Variants in LITAF observed in about 807,000 individuals in gnomAD.
LITAF encodes lipopolysaccharide induced TNF factor.
LITAF carries 9 observed loss-of-function variants against 14.5 expected under a neutral mutation model. That is an observed-to-expected ratio of 0.62 (90% confidence interval 0.37 to 1.08). The LOEUF is 1.08. Among genes scored for constraint, LITAF ranks in the 50% least tolerant of loss-of-function variants. The probability of loss-of-function intolerance (pLI) is 0.01; values close to 1 mark genes in which losing one functional copy is unlikely to be tolerated. For synonymous variants in LITAF, 98 were observed against 88.2 expected (o/e 1.11, Z -0.62); for missense variants, 206 against 213.4 (o/e 0.97, Z 0.22).
In LITAF at chr16:11,556,506, C is replaced by G. The variant is rs745828676; in HGVS notation, c.220+5G>C. The G allele has an allele frequency of 6.2e-7, 1 of 1,610,852 alleles. No individual in the cohort carries two copies. Among genetic ancestry groups the G allele is most frequent in the Non-Finnish European group, 8.5e-7 (1 of 1,177,528 alleles). On this transcript the variant is annotated splice_donor_5th_base_variant and intron_variant, in intron 2 of 3. Transcript: ENST00000622633. ...GGTAAGGGGGGCCTGGGAGGCCACA[C>G]GTACTTGGATTGTTATTGGGGATGG...
rs146365935 is a variant in LITAF at position 11,567,892 on chromosome 16, G to A, written c.-5-11157C>T. On this transcript the variant is annotated intron_variant, in intron 1 of 3. Transcript: ENST00000622633. Reference sequence around the variant, plus strand: ...CCAGCTATGTGGGTGACTGAGGCAGGAGAAGTGCTTCAACCCAGGAGGCGG... The same window carrying A: ...CCAGCTATGTGGGTGACTGAGGCAGAAGAAGTGCTTCAACCCAGGAGGCGG... Among the ~76,000 whole-genome samples the A allele has an allele frequency of 2.3e-3, 357 of 152,308 alleles. 3 individuals carry two copies. Among genetic ancestry groups the A allele is most frequent in the African/African-American group, 8.2e-3 (342 of 41,548 alleles).
At chr16:11,555,233 C>T (rs1465105612) in intron 2 of LITAF, among the ~76,000 whole-genome samples, 2 of 152,158 alleles carry the variant, frequency 1.3e-5, no homozygotes, top group African/African-American at 4.8e-5. Context: ...CTCACTATGT[C>T]ACTCAGGCTG....
At chr16:11,627,401 C>A (rs1442537819) in intron 3 of LITAF, among the ~76,000 whole-genome samples, 2 of 152,258 alleles carry the variant, frequency 1.3e-5, no homozygotes, top group African/African-American at 2.4e-5. Flanking sequence ...ACAGCATGGT[C>A]TGAGCTTCTG....
rs35892278 is a variant in LITAF at position 11,582,319 on chromosome 16, G to GAA, written c.-6+4565_-6+4566dup. Among the ~76,000 whole-genome samples the GAA allele has an allele frequency of 3.4e-3, 336 of 100,000 alleles. 11 individuals carry two copies. Among genetic ancestry groups the GAA allele is most frequent in the Non-Finnish European group, 4.8e-3 (224 of 47,024 alleles). The allele number at this position is 100,000 out of a possible 152,430, so 65.6% of individuals were successfully genotyped here. ...TGAAATATCTATTTCACTCACAACG[G>GAA]AAAAAAAAAAAAAAAAAAAGAACTC... is the stretch of plus-strand genomic sequence containing the variant. On this transcript the variant is annotated intron_variant, in intron 1 of 3. Coordinates refer to ENST00000622633, the MANE Select transcript of LITAF (RefSeq NM_001136472.2).
intron 1 of LITAF, among the ~76,000 whole-genome samples, chr16:11,593,952 G>A (rs763288559): frequency 1.3e-5 from 2 of 152,068 alleles, no homozygotes; most frequent in African/African-American, 2.4e-5. Flanking sequence ...CAAGGCAGGC[G>A]AGTTGCTTGA....
At chr16:11,566,676 A>AT (rs1321377440) in intron 1 of LITAF, among the ~76,000 whole-genome samples, 4 of 152,088 alleles carry the variant, frequency 2.6e-5, no homozygotes, top group Admixed American at 2.6e-4. Flanking sequence ...AGATAGGAGG[A>AT]TCCCTCGATC....
rs575429761 is a variant in LITAF, at chr16:11,594,888, A to T, written c.-6+3500T>A. Among the ~76,000 whole-genome samples the T allele has an allele frequency of 3.3e-4, 31 of 95,108 alleles. No homozygotes were observed. The East Asian group carries it at 5.0e-3, about 15-fold the overall frequency. 62.4% of individuals were successfully genotyped at this position (95,108 alleles called of 152,430 possible). On this transcript the variant is annotated intron_variant, in intron 1 of 3. Transcript: ENST00000571627. Reference sequence around the variant, plus strand: ...AAGACTCCATCTCAAAAAAATAAAAAAAAATAAAATAAAGTAAAATAAAAA... The same window carrying T: ...AAGACTCCATCTCAAAAAAATAAAATAAAATAAAATAAAGTAAAATAAAAA...
intron 3 of LITAF, among the ~76,000 whole-genome samples, chr16:11,628,236 C>T (rs753277776): frequency 1.1e-4 from 17 of 152,168 alleles, no homozygotes; most frequent in Non-Finnish European, 1.8e-4. Flanking sequence ...CCAACCAGCC[C>T]TGAGGTTGGT....
Position 11,558,335 on chromosome 16 carries a change from C to T in LITAF, c.-5-1600G>A, listed in dbSNP as rs1301428955. 1.3e-5 allele frequency among the ~76,000 whole-genome samples: 2 copies of T among 152,056 alleles called. No homozygotes were observed. Among genetic ancestry groups the T allele is most frequent in the Admixed American group, 6.5e-5 (1 of 15,270 alleles). On this transcript the variant is annotated intron_variant, in intron 1 of 3. Transcript: ENST00000622633. The surrounding 1 kb of genome is among the most constrained non-coding windows in gnomAD (Gnocchi z 4.1). The stretch of plus-strand genomic sequence containing the variant: ...CTGTAATCCCAGCACTCTGTGGAGC[C>T]GAGGTGGCAGGATAGCCTGAGCCCA...
At chr16:11,603,604 C>CTAG (rs2064939673) in intron 3 of LITAF, among the ~76,000 whole-genome samples, 1 of 152,240 alleles carries the variant, frequency 6.6e-6, no homozygotes, top group African/African-American at 2.4e-5. Flanking sequence ...GGTTTCCTAG[C>CTAG]AGACAGAGCA....
At chr16:11,609,574 C>G (rs2064971814) in intron 3 of LITAF, among the ~76,000 whole-genome samples, 1 of 152,076 alleles carries the variant, frequency 6.6e-6, no homozygotes, top group Non-Finnish European at 1.5e-5. Context: ...CCAAAACACT[C>G]TTGGAAAAAA....
Position 11,632,551 on chromosome 16 carries a change from C to T in LITAF, c.85+982G>A, listed in dbSNP as rs2065123122. Among the ~76,000 whole-genome samples the T allele has an allele frequency of 6.6e-6, 1 of 152,252 alleles. No homozygotes were observed. The highest frequency in any genetic ancestry group is 6.5e-5 in the Admixed American group (1 of 15,286). ...TCTGCGGGCCCAGAGCAGATCACTG[C>T]CAGCCGGCCCCTGTGGGCTCTTTGG... On this transcript the variant is annotated intron_variant, in intron 3 of 3. Coordinates refer to the LITAF transcript ENST00000574848. The surrounding 1 kb of genome is among the most constrained non-coding windows in gnomAD (Gnocchi z 4.8).
intron 1 of LITAF, among the ~76,000 whole-genome samples, chr16:11,577,375 T>A (rs2064656517): frequency 6.8e-6 from 1 of 147,202 alleles, no homozygotes; most frequent in Non-Finnish European, 1.5e-5. Flanking sequence ...TGGAGTGCAG[T>A]GGCACAATCT....
intron 3 of LITAF, among the ~76,000 whole-genome samples, chr16:11,607,688 T>A (rs542634551): frequency 2.0e-5 from 3 of 152,068 alleles, no homozygotes; most frequent in Non-Finnish European, 2.9e-5. Context: ...CAAAAAAAAA[T>A]TTAATAAATA....
intron 1 of LITAF, among the ~76,000 whole-genome samples, chr16:11,580,659 G>A (rs1312741205): frequency 6.6e-6 from 1 of 152,136 alleles, no homozygotes; most frequent in Non-Finnish European, 1.5e-5. Context: ...CATTCAAGAG[G>A]CTTTTTATCT....
chr16:11,621,359 C>G (rs977251042), intron 3 of LITAF, among the ~76,000 whole-genome samples: 1 of 152,110 alleles, frequency 6.6e-6, no homozygotes, highest in African/African-American at 2.4e-5. Flanking sequence ...CCACTGCACC[C>G]AGCCCCAGCC....
At chr16:11,576,406 T>C (rs530164793) in intron 1 of LITAF, among the ~76,000 whole-genome samples, 7 of 151,508 alleles carry the variant, frequency 4.6e-5, no homozygotes, top group African/African-American at 1.7e-4. Context: ...GAGGTGGAGG[T>C]TGCAGTGAGC....
chr16:11,637,352 G>A (rs942567027), upstream of LITAF, among the ~76,000 whole-genome samples: 5 of 152,254 alleles, frequency 3.3e-5, no homozygotes, highest in Non-Finnish European at 7.3e-5. Context: ...GAGTGGTCCA[G>A]TTCTGGGCAT....
upstream of LITAF, among the ~76,000 whole-genome samples, chr16:11,636,701 A>G (rs1241559717): frequency 6.6e-6 from 1 of 152,118 alleles, no homozygotes; most frequent in Middle Eastern, 3.2e-3. Context: ...CTATTGGCAC[A>G]GCTGCCGGCA....
Sources: allele counts gnomAD v4.1 joint callset (sites outside exome capture counted in the v4.1 genomes callset), GRCh38; gene constraint gnomAD v4.1.1; non-coding constraint Gnocchi (gnomAD v3.1); transcripts MANE v1.5; gene names NCBI Gene and HGNC (gene_info 2026-07-23, HGNC 2026-07-21).